PRSS23: variants seen among roughly 807,000 people sequenced by gnomAD.
PRSS23 encodes protease, serine 23.
In PRSS23, 25 loss-of-function variants were observed where a neutral mutation model predicts 34.7. The observed-to-expected ratio is 0.72, with a 90% CI of 0.53 to 1.01. PRSS23 has a LOEUF of 1.01. Ranked by LOEUF, PRSS23 falls within the 50% of genes least tolerant of loss-of-function variation. The pLI is 0.00. For synonymous variants in PRSS23, 176 were observed against 186.6 expected (o/e 0.94, Z 0.46); for missense variants, 445 against 475.6 (o/e 0.94, Z 0.60).
At position 86,808,728 on chromosome 11, in the gene PRSS23, C is replaced by T; in HGVS notation, c.1085C>T (p.Thr362Ile). The change falls in exon 2 of 2, where the codon ACT becomes ATT. Residue 362 changes from threonine to isoleucine, a missense_variant. Physicochemically the swap from Thr to Ile is moderately conservative, Grantham distance 89. Transcript: ENST00000280258. ...GATTTCAACGTGGCTGTCAGAATCA[C>T]TCCTCTCAAATATGCCCAGATTTGC... The part of the protein sequence containing the change: ...PQDFNVAVRI[T>I]PLKYAQICYW... 1.2e-6 allele frequency: 2 copies of T among 1,614,158 alleles called. No individual in the cohort carries two copies. The highest frequency in any genetic ancestry group is 1.7e-6 in the Non-Finnish European group (2 of 1,180,022).
upstream of PRSS23, among the ~76,000 whole-genome samples, chr11:86,799,332 T>A (rs557396796): frequency 6.6e-5 from 10 of 152,356 alleles, no homozygotes; most frequent in African/African-American, 2.4e-4. Flanking sequence ...GTATTAGGCA[T>A]ATCAGTAACA....
intron 1 of PRSS23, chr11:86,823,256 T>G (rs1948267243): frequency 4.8e-6 from 3 of 621,758 alleles, no homozygotes; most frequent in Non-Finnish European, 8.6e-6. Flanking sequence ...TAAAAAAAAA[T>G]GTATGATTAA....
At chr11:86,835,859 A>G (rs1042729175) in intron 2 of PRSS23, among the ~76,000 whole-genome samples, 1 of 152,198 alleles carries the variant, frequency 6.6e-6, no homozygotes, top group Non-Finnish European at 1.5e-5. Flanking sequence ...CGGGCAGCTA[A>G]AAGTAAATCA....
chr11:86,898,660 A>G (rs556215059), intron 2 of PRSS23, among the ~76,000 whole-genome samples: 2 of 152,344 alleles, frequency 1.3e-5, no homozygotes, highest in Admixed American at 1.3e-4. Context: ...TATGTGTCAC[A>G]CTGAAGATGT....
intron 2 of PRSS23, among the ~76,000 whole-genome samples, chr11:86,862,666 C>T (rs1218659507): frequency 1.3e-5 from 2 of 151,886 alleles, no homozygotes; most frequent in Non-Finnish European, 2.9e-5. Flanking sequence ...AGGGGGTGTA[C>T]ACCCTGTGAT....
intron 2 of PRSS23, among the ~76,000 whole-genome samples, chr11:86,895,699 C>T (rs927312154): frequency 7.2e-5 from 11 of 151,986 alleles, no homozygotes; most frequent in African/African-American, 1.7e-4. Flanking sequence ...AGGCTGCTCT[C>T]GAACTCCTGG....
chr11:86,888,967 A>C (rs1009134944), intron 2 of PRSS23, among the ~76,000 whole-genome samples: 1 of 152,148 alleles, frequency 6.6e-6, no homozygotes, highest in African/African-American at 2.4e-5. Context: ...GTTTTTAATG[A>C]GTGTTGATGT....
At chr11:86,871,899 C>G (rs1456142560) in intron 2 of PRSS23, among the ~76,000 whole-genome samples, 1 of 152,224 alleles carries the variant, frequency 6.6e-6, no homozygotes, top group Admixed American at 6.5e-5. Context: ...TGCTATATTT[C>G]TCTCCAGAGA....
Position 86,809,052 on chromosome 11 carries a change from AT to A in PRSS23, c.*260del, listed in dbSNP as rs1948146523. The A allele has an allele frequency of 5.4e-6, 2 of 368,790 alleles. No individual in the cohort carries two copies. The highest frequency in any genetic ancestry group is 8.6e-5 in the Admixed American group (2 of 23,186). The allele number at this position is 368,790 out of a possible 1,614,324, so 22.8% of individuals were successfully genotyped here. On this transcript the variant is annotated 3_prime_UTR_variant, in exon 2 of 2. Coordinates refer to ENST00000280258, the MANE Select transcript of PRSS23 (RefSeq NM_007173.6). Reference sequence around the variant, plus strand: ...TTGCATAGAAATAAAAAAAATACTGATTTGGGGCAATGAGGAATATTTGACA... The same window carrying A: ...TTGCATAGAAATAAAAAAAATACTGATTGGGGCAATGAGGAATATTTGACA...
At chr11:86,854,819 A>G (rs530645925) in intron 2 of PRSS23, among the ~76,000 whole-genome samples, 1 of 152,222 alleles carries the variant, frequency 6.6e-6, no homozygotes, top group Non-Finnish European at 1.5e-5. Context: ...TCATTGGGAC[A>G]TATGTGTGGG....
chr11:86,925,758 G>C (rs1362874855), intron 2 of PRSS23, among the ~76,000 whole-genome samples: 2 of 152,158 alleles, frequency 1.3e-5, no homozygotes, highest in African/African-American at 4.8e-5. Context: ...GTTAGTAGCA[G>C]TTGAAACCTG....
At chr11:86,833,544 G>A (rs1183434456) in intron 2 of PRSS23, 3 of 253,090 alleles carry the variant, frequency 1.2e-5, no homozygotes, top group Non-Finnish European at 2.3e-5. Flanking sequence ...CAAAGGGAGG[G>A]GATCCATAGA....
At chr11:86,928,222 ATATG>A (rs66512736) in intron 2 of PRSS23, among the ~76,000 whole-genome samples, 46,474 of 147,362 alleles carry the variant, frequency 0.32, 7,380 homozygotes, top group African/African-American at 0.36. Flanking sequence ...TTATAAATAT[ATATG>A]TATTATATAT....
chr11:86,823,741 T>A, intron 2 of PRSS23: 1 of 616,908 alleles, frequency 1.6e-6, no homozygotes, highest in East Asian at 2.8e-5. Context: ...GCGCGGTGGC[T>A]CACGCCTGTA....
intron 2 of PRSS23, among the ~76,000 whole-genome samples, chr11:86,917,519 T>G (rs1416603366): frequency 1.3e-5 from 2 of 152,252 alleles, no homozygotes; most frequent in African/African-American, 4.8e-5. Context: ...GACTTTTGTG[T>G]CTTGAACAAG....
chr11:86,938,651 A>T (rs1014865684), intron 2 of PRSS23, among the ~76,000 whole-genome samples: 1 of 137,830 alleles, frequency 7.3e-6, no homozygotes, highest in Non-Finnish European at 1.5e-5. Context: ...ATATCAGCCG[A>T]TGTGATGGAT....
chr11:86,803,570 A>G (rs1253415746), intron 1 of PRSS23, among the ~76,000 whole-genome samples: 1 of 152,154 alleles, frequency 6.6e-6, no homozygotes, highest in Non-Finnish European at 1.5e-5. Context: ...GTTTTGCATC[A>G]TTTGTTGTTT....
In PRSS23 at chr11:86,808,962, T is replaced by C; in HGVS notation, c.*167T>C. 1 of 618,208 alleles carries C rather than the reference T, an allele frequency of 1.6e-6. No homozygotes were observed. Among genetic ancestry groups the C allele is most frequent in the Non-Finnish European group, 2.8e-6 (1 of 361,654 alleles). The allele number at this position is 618,208 out of a possible 1,614,324, so 38.3% of individuals were successfully genotyped here. A position where few individuals can be genotyped will look rare whatever the true frequency, so the allele number is the denominator to read the frequency against. ...TCTTACAATTGCAAGATGACTGGCT[T>C]TACTATTTGAAAACTGGTTTGTGTA... On this transcript the variant is annotated 3_prime_UTR_variant, in exon 2 of 2. Transcript: ENST00000280258.
At chr11:86,819,292 C>T (rs936571675) in intron 1 of PRSS23, among the ~76,000 whole-genome samples, 14 of 152,108 alleles carry the variant, frequency 9.2e-5, no homozygotes, top group Non-Finnish European at 1.9e-4. Context: ...AGGCCATCTG[C>T]ACCAATTAGA....
Sources: gnomAD v4.1 joint callset for allele counts (sites outside exome capture counted in the v4.1 genomes callset) on GRCh38, gnomAD v4.1.1 for gene constraint, MANE v1.5 for transcripts, NCBI Gene and HGNC (gene_info 2026-07-23, HGNC 2026-07-21) for gene names.